The following LUZP2 variants were observed in gnomAD, a reference collection of about 807,000 sequenced individuals.
LUZP2 encodes leucine zipper protein 2.
A neutral mutation model predicts 51.6 loss-of-function variants in LUZP2; 52 were observed. That is an observed-to-expected ratio of 1.01 (90% CI 0.81 to 1.27). The LOEUF is 1.27. Among genes scored for constraint, LUZP2 ranks in the 50% most tolerant of loss-of-function variants. The probability of loss-of-function intolerance (pLI) is 0.00; values close to 1 mark genes in which losing one functional copy is unlikely to be tolerated. For missense variants in LUZP2, 436 were observed against 395.4 expected (o/e 1.10, Z -0.87); for synonymous variants, 154 against 137.3 (o/e 1.12, Z -0.85).
intron 1 of LUZP2, among the ~76,000 whole-genome samples, chr11:24,579,409 A>G (rs1483033247): frequency 2.0e-5 from 3 of 152,134 alleles, no homozygotes. Context: ...AAAGTTAAAT[A>G]CTACTATAGC....
intron 1 of LUZP2, among the ~76,000 whole-genome samples, chr11:24,522,953 G>A (rs545708539): frequency 3.3e-5 from 5 of 151,906 alleles, no homozygotes; most frequent in Admixed American, 6.6e-5. Flanking sequence ...GCCTTACCTC[G>A]TTCACTAACC....
chr11:24,846,756 A>G (rs1207652214), intron 5 of LUZP2, among the ~76,000 whole-genome samples: 2 of 152,056 alleles, frequency 1.3e-5, no homozygotes, highest in African/African-American at 2.4e-5. Flanking sequence ...TTGCAGCTAC[A>G]ATAATCCGCA....
At position 24,497,237 on chromosome 11, in the gene LUZP2, C is replaced by T. The variant is rs1849853578; in HGVS notation, c.-7C>T. The T allele has an allele frequency of 6.5e-7, 1 of 1,538,776 alleles. No homozygotes were observed. The highest frequency in any genetic ancestry group is 1.2e-5 in the South Asian group (1 of 82,858). ...GCGAGGGAAGGAGGACCCCGGCAGG[C>T]AGCAGCATGAAATTCAGCCCAGCGC... On this transcript the variant is annotated 5_prime_UTR_variant, in exon 1 of 12. Coordinates refer to ENST00000336930, the MANE Select transcript of LUZP2 (RefSeq NM_001009909.4).
At chr11:24,639,448 T>C (rs1855209026) in intron 1 of LUZP2, among the ~76,000 whole-genome samples, 1 of 151,714 alleles carries the variant, frequency 6.6e-6, no homozygotes, top group Non-Finnish European at 1.5e-5. Flanking sequence ...CTGTTCATAT[T>C]TTGTTTTGTT....
At chr11:24,751,285 A>G (rs573851407) in intron 4 of LUZP2, among the ~76,000 whole-genome samples, 3 of 152,296 alleles carry the variant, frequency 2.0e-5, no homozygotes, top group African/African-American at 4.8e-5. Flanking sequence ...GGAAAGAAAG[A>G]TGACTCACAG....
chr11:24,531,971 C>T (rs1056461056), intron 1 of LUZP2, among the ~76,000 whole-genome samples: 6 of 150,866 alleles, frequency 4.0e-5, no homozygotes, highest in South Asian at 2.1e-4. Context: ...CTGCTACCAC[C>T]GTAATCCAAG....
At chr11:24,812,224 C>A (rs1306215686) in intron 5 of LUZP2, among the ~76,000 whole-genome samples, 1 of 151,956 alleles carries the variant, frequency 6.6e-6, no homozygotes, top group East Asian at 1.9e-4. Flanking sequence ...TTTTACACAA[C>A]ATTTTCATCC....
chr11:24,696,591 C>G (rs984869976), intron 1 of LUZP2, among the ~76,000 whole-genome samples: 6 of 151,880 alleles, frequency 4.0e-5, no homozygotes, highest in Non-Finnish European at 8.8e-5. Flanking sequence ...ACAAAAATTA[C>G]TGTGCATCTG....
chr11:25,036,676 C>T (rs1857874243), intron 9 of LUZP2, among the ~76,000 whole-genome samples: 1 of 152,020 alleles, frequency 6.6e-6, no homozygotes, highest in Admixed American at 6.6e-5. Flanking sequence ...TCCCAATTTT[C>T]ATTAATTTCA....
intron 1 of LUZP2, among the ~76,000 whole-genome samples, chr11:24,500,120 T>C (rs7943454): frequency 0.63 from 95,106 of 152,026 alleles, 31,188 homozygotes; most frequent in African/African-American, 0.84. Context: ...TTAATCACAG[T>C]GAACATCAAT....
At position 24,602,073 on chromosome 11, in the gene LUZP2, C is replaced by CGTATATATGTGTATATAT. The variant is rs1853689551; in HGVS notation, c.62+104785_62+104802dup. 3.5e-5 allele frequency among the ~76,000 whole-genome samples: 3 copies of CGTATATATGTGTATATAT among 86,028 alleles called. No individual in the cohort carries two copies. The South Asian group carries it at 1.0e-3, about 29-fold the overall frequency. 56.4% of individuals were successfully genotyped at this position (86,028 alleles called of 152,430 possible). On this transcript the variant is annotated intron_variant, in intron 1 of 11. Transcript: ENST00000336930. ...ATGTGTATATATGTGTATATATATG[C>CGTATATATGTGTATATAT]GTATATATGTGTATATATGTATATA...
At chr11:24,788,034 T>A (rs1022215301) in intron 5 of LUZP2, among the ~76,000 whole-genome samples, 1 of 152,114 alleles carries the variant, frequency 6.6e-6, no homozygotes. Flanking sequence ...GAAACTCAGA[T>A]AAACATGCTG....
At chr11:25,036,506 G>T (rs2133999448) in intron 9 of LUZP2, among the ~76,000 whole-genome samples, 1 of 148,072 alleles carries the variant, frequency 6.8e-6, no homozygotes, top group Middle Eastern at 3.5e-3. Context: ...CTTTTATTCT[G>T]CTAGCTTTGG....
chr11:25,044,257 GTATATA>G (rs1235208041), intron 9 of LUZP2, among the ~76,000 whole-genome samples: 5,322 of 60,408 alleles, frequency 0.088, 405 homozygotes, highest in African/African-American at 0.26. Context: ...GTGTGTGTGT[GTATATA>G]TATATATATA....
At chr11:25,016,503 A>G (rs1292081141) in intron 9 of LUZP2, among the ~76,000 whole-genome samples, 1 of 152,054 alleles carries the variant, frequency 6.6e-6, no homozygotes, top group Non-Finnish European at 1.5e-5. Flanking sequence ...TTAAGGCTGC[A>G]TAGTATTCCA....
chr11:24,820,759 C>CACAT, intron 5 of LUZP2, among the ~76,000 whole-genome samples: 1 of 152,156 alleles, frequency 6.6e-6, no homozygotes, highest in South Asian at 2.1e-4. Context: ...TGTCACAATC[C>CACAT]AAGACCATAG....
At chr11:24,683,099 G>T (rs1233558252) in intron 1 of LUZP2, among the ~76,000 whole-genome samples, 1 of 152,152 alleles carries the variant, frequency 6.6e-6, no homozygotes, top group Non-Finnish European at 1.5e-5. Flanking sequence ...ATCTTTCCAA[G>T]CTTTTCAGTT....
At chr11:25,074,381 AAG>A (rs1859240987) in intron 10 of LUZP2, among the ~76,000 whole-genome samples, 2 of 152,188 alleles carry the variant, frequency 1.3e-5, no homozygotes, top group African/African-American at 2.4e-5. Context: ...GACGCACAGA[AAG>A]AGTAAATTTA....
chr11:24,936,636 G>T (rs940634248), intron 7 of LUZP2, among the ~76,000 whole-genome samples: 1 of 151,618 alleles, frequency 6.6e-6, no homozygotes, highest in Non-Finnish European at 1.5e-5. Flanking sequence ...CCACAGAGAC[G>T]CCAGCCCTCT....
Sources: allele counts gnomAD v4.1 joint callset (sites outside exome capture counted in the v4.1 genomes callset), GRCh38; gene constraint gnomAD v4.1.1; transcripts MANE v1.5; gene names NCBI Gene and HGNC (gene_info 2026-07-23, HGNC 2026-07-21).